Variants in ARL8B observed in about 807,000 individuals in gnomAD.
ARL8B encodes ADP-ribosylation factor-like protein 8B.
A neutral mutation model predicts 30.6 loss-of-function variants in ARL8B; 9 were observed. The ratio of observed to expected loss-of-function variants is 0.29; its 90% CI spans 0.18 to 0.51. The LOEUF is 0.51. Among genes scored for constraint, ARL8B ranks in the 20% least tolerant of loss-of-function variants. ARL8B has a pLI of 0.97. For missense variants in ARL8B, 130 were observed against 227.2 expected (o/e 0.57, Z 2.75); for synonymous variants, 74 against 76.0 (o/e 0.97, Z 0.14).
intron 1 of ARL8B, among the ~76,000 whole-genome samples, chr3:5,126,821 C>T (rs2054233504): frequency 6.6e-6 from 1 of 152,146 alleles, no homozygotes; most frequent in African/African-American, 2.4e-5. Context: ...GCAGTTATTG[C>T]ACAATAAGTC....
intron 1 of ARL8B, among the ~76,000 whole-genome samples, chr3:5,125,224 A>G (rs1283135334): frequency 2.0e-5 from 3 of 152,216 alleles, no homozygotes; most frequent in African/African-American, 7.2e-5. Context: ...TTAAGTGGCT[A>G]GCACTCATAC....
At position 5,122,364 on chromosome 3, in the gene ARL8B, C is replaced by G. The variant is rs549968882; in HGVS notation, c.-102C>G. ...GTCCGCCCGTGTCGCGCCGGGGCAC[C>G]AAGGAGCCGTTGGAGGGTCCGGGCG... On this transcript the variant is annotated 5_prime_UTR_variant, in exon 1 of 7. Coordinates refer to ENST00000256496, the MANE Select transcript of ARL8B (RefSeq NM_018184.3). The G allele has an allele frequency of 1.7e-5, 26 of 1,570,340 alleles. No homozygotes were observed. The highest frequency in any genetic ancestry group is 2.2e-5 in the Non-Finnish European group (26 of 1,160,200).
rs548479851 is a variant in ARL8B at position 5,133,439 on chromosome 3, C to T, written c.123+10851C>T. On this transcript the variant is annotated intron_variant, in intron 1 of 6. Coordinates refer to ENST00000256496, the MANE Select transcript of ARL8B (RefSeq NM_018184.3). ...ACAGTTGGGGAGGAGGGGAAAGGTACGCATTATTATGGAAATAGGATGAGT... is the reference window on the plus strand; with the variant it reads ...ACAGTTGGGGAGGAGGGGAAAGGTATGCATTATTATGGAAATAGGATGAGT... 8.0e-4 allele frequency among the ~76,000 whole-genome samples: 122 copies of T among 152,162 alleles called. 1 individual carries two copies. The highest frequency in any genetic ancestry group is 2.9e-3 in the African/African-American group (119 of 41,516).
At chr3:5,178,531 G>C in intron 6 of ARL8B, 133 bp from the exon 7 acceptor site, 1 of 720,140 alleles carries the variant, frequency 1.4e-6, no homozygotes, top group African/African-American at 1.8e-5. Context: ...ATGGAGTATG[G>C]TAATGCAGAT....
chr3:5,133,036 T>A lies in ARL8B; in HGVS notation c.123+10448T>A, dbSNP rs138085203. ...ATGTCAAGCAGTGTTTTGGGCAGCA[T>A]AAATATAATGGGGAGCAAAGCAGAC... On this transcript the variant is annotated intron_variant, in intron 1 of 6. Coordinates refer to ENST00000256496, the MANE Select transcript of ARL8B (RefSeq NM_018184.3). Among the ~76,000 whole-genome samples, 212 of 152,222 alleles carry A rather than the reference T, an allele frequency of 1.4e-3. 1 individual carries two copies. The highest frequency in any genetic ancestry group is 2.5e-3 in the Non-Finnish European group (172 of 68,022).
chr3:5,168,862 C>T (rs1250431013), intron 1 of ARL8B, among the ~76,000 whole-genome samples: 1 of 152,130 alleles, frequency 6.6e-6, no homozygotes, highest in African/African-American at 2.4e-5. Flanking sequence ...TTTCCTGCCT[C>T]TTCATTATGT....
In ARL8B at chr3:5,129,751, C is replaced by A. The variant is rs138653252; in HGVS notation, c.123+7163C>A. 6.0e-4 allele frequency among the ~76,000 whole-genome samples: 92 copies of A among 152,218 alleles called. 1 individual carries two copies. In the East Asian group the frequency reaches 0.017, roughly 28 times the overall value. On this transcript the variant is annotated intron_variant, in intron 1 of 6. Transcript: ENST00000256496. ...AGATTTTTGCTGCTGGGTGTGGTGG[C>A]TCACGCTTGTAATCTCAGCATTTAG...
intron 1 of ARL8B, among the ~76,000 whole-genome samples, chr3:5,166,081 C>T (rs2054621458): frequency 6.0e-5 from 9 of 150,262 alleles, no homozygotes; most frequent in Admixed American, 6.0e-4. Context: ...TGCTTTATCA[C>T]CAGACTGGAG....
chr3:5,136,082 C>T (rs2054323275), intron 1 of ARL8B, among the ~76,000 whole-genome samples: 1 of 151,500 alleles, frequency 6.6e-6, no homozygotes, highest in African/African-American at 2.4e-5. Context: ...GCCATCACGC[C>T]TGGCCTATTA....
At chr3:5,154,854 G>T (rs1277866069) in intron 1 of ARL8B, among the ~76,000 whole-genome samples, 2 of 152,060 alleles carry the variant, frequency 1.3e-5, no homozygotes, top group African/African-American at 4.8e-5. Flanking sequence ...GGGATTACAG[G>T]GGCATGCCAC....
intron 1 of ARL8B, among the ~76,000 whole-genome samples, chr3:5,168,937 G>A (rs2054646386): frequency 2.0e-5 from 3 of 152,046 alleles, no homozygotes. Flanking sequence ...AGAGATTAAA[G>A]CCTATCACAA....
chr3:5,159,323 C>G (rs2054559789), intron 1 of ARL8B, among the ~76,000 whole-genome samples: 1 of 135,696 alleles, frequency 7.4e-6, no homozygotes, highest in Non-Finnish European at 1.5e-5. Context: ...AAAAAAAATG[C>G]CAGGTGCGGT....
At chr3:5,152,331 C>T (rs999510653) in intron 1 of ARL8B, among the ~76,000 whole-genome samples, 2 of 152,044 alleles carry the variant, frequency 1.3e-5, no homozygotes, top group African/African-American at 2.4e-5. Flanking sequence ...TGTAATGTCC[C>T]TCTTTATCCT....
chr3:5,147,463 C>G (rs891467084), intron 1 of ARL8B, among the ~76,000 whole-genome samples: 2 of 152,042 alleles, frequency 1.3e-5, no homozygotes, highest in Non-Finnish European at 2.9e-5. Flanking sequence ...TTTTTCTATT[C>G]AGGACATTCT....
chr3:5,166,428 C>T (rs184808473), intron 1 of ARL8B, among the ~76,000 whole-genome samples: 7 of 151,192 alleles, frequency 4.6e-5, no homozygotes, highest in South Asian at 2.1e-4. Context: ...CTGCAACCTC[C>T]GCCTCCTGGG....
intron 1 of ARL8B, among the ~76,000 whole-genome samples, chr3:5,124,317 G>A (rs2054210698): frequency 7.2e-6 from 1 of 137,968 alleles, no homozygotes; most frequent in Non-Finnish European, 1.5e-5. Flanking sequence ...ATGTTGCCAG[G>A]CCAGCCTTGA....
chr3:5,161,908 G>A (rs2054587903), intron 1 of ARL8B, among the ~76,000 whole-genome samples: 3 of 152,124 alleles, frequency 2.0e-5, no homozygotes, highest in Admixed American at 6.5e-5. Flanking sequence ...TTGTATGTTT[G>A]TTTCCTAGTT....
At chr3:5,175,194 T>C (rs1417929758) in intron 6 of ARL8B, among the ~76,000 whole-genome samples, 1 of 152,198 alleles carries the variant, frequency 6.6e-6, no homozygotes, top group Admixed American at 6.5e-5. Flanking sequence ...CGTTCAGCGT[T>C]ACAATGTTAA....
At chr3:5,142,205 A>G (rs986825765) in intron 1 of ARL8B, among the ~76,000 whole-genome samples, 4 of 152,138 alleles carry the variant, frequency 2.6e-5, no homozygotes, top group African/African-American at 9.7e-5. Flanking sequence ...CCTGGGGTAT[A>G]TGGAGAGCCG....
Sources: gnomAD v4.1 joint callset for allele counts (sites outside exome capture counted in the v4.1 genomes callset) on GRCh38, gnomAD v4.1.1 for gene constraint, MANE v1.5 for transcripts, NCBI Gene and HGNC (gene_info 2026-07-23, HGNC 2026-07-21) for gene names.